KCNIP4: variants seen among roughly 807,000 people sequenced by gnomAD.
KCNIP4 encodes the protein potassium voltage-gated channel interacting protein 4.
A neutral mutation model predicts 34.0 loss-of-function variants in KCNIP4; 12 were observed. The observed-to-expected ratio is 0.35, with a 90% CI of 0.23 to 0.57. The LOEUF (loss-of-function observed/expected upper bound fraction) is 0.57, where lower values mean the gene tolerates loss of function less well. KCNIP4 is among the 20% of genes least tolerant of loss of function. The pLI, the probability that KCNIP4 is intolerant of heterozygous loss-of-function variation, is 0.83. For synonymous variants in KCNIP4, 124 were observed against 102.2 expected, an observed-to-expected ratio of 1.21 and a Z score of -1.29; for missense variants, 238 against 311.7, an observed-to-expected ratio of 0.76 and a Z score of 1.78.
At chr4:20,871,198 C>T (rs1002009126) in intron 2 of KCNIP4, among the ~76,000 whole-genome samples, 2 of 151,932 alleles carry the variant, frequency 1.3e-5, no homozygotes, top group Non-Finnish European at 2.9e-5. Flanking sequence ...TTAGAATGAA[C>T]AAAAACAACC....
chr4:21,187,494 A>G, intron 1 of KCNIP4, among the ~76,000 whole-genome samples: 1 of 152,320 alleles, frequency 6.6e-6, no homozygotes, highest in East Asian at 1.9e-4. Context: ...CTAATTCGTT[A>G]AAATTCATTT....
intron 1 of KCNIP4, among the ~76,000 whole-genome samples, chr4:20,914,966 G>T (rs181462525): frequency 6.6e-6 from 1 of 152,260 alleles, no homozygotes; most frequent in Admixed American, 6.5e-5. Context: ...CTGTGAAAAG[G>T]CTTAGATTTT....
At chr4:20,848,894 G>A (rs1354406033) in intron 3 of KCNIP4, among the ~76,000 whole-genome samples, 1 of 152,112 alleles carries the variant, frequency 6.6e-6, no homozygotes, top group Non-Finnish European at 1.5e-5. Flanking sequence ...GTTTTATTCT[G>A]TGATTCACCT....
intron 1 of KCNIP4, among the ~76,000 whole-genome samples, chr4:21,905,416 T>C (rs1215350247): frequency 6.6e-6 from 1 of 152,142 alleles, no homozygotes; most frequent in East Asian, 1.9e-4. Context: ...TATTCTATTA[T>C]TATTATACTT....
intron 1 of KCNIP4, among the ~76,000 whole-genome samples, chr4:21,415,544 A>T (rs1724878809): frequency 6.6e-6 from 1 of 151,808 alleles, no homozygotes; most frequent in South Asian, 2.1e-4. Context: ...TTACAAAAAA[A>T]AAAAAAAATT....
chr4:21,582,170 T>C (rs191166856), intron 1 of KCNIP4: 1 of 151,580 alleles, frequency 6.6e-6, no homozygotes, highest in Non-Finnish European at 1.5e-5. Context: ...AGTATGTACA[T>C]GTGTGTGTGC....
intron 1 of KCNIP4, among the ~76,000 whole-genome samples, chr4:21,507,269 A>T (rs944164659): frequency 6.7e-6 from 1 of 149,754 alleles, no homozygotes; most frequent in Non-Finnish European, 1.5e-5. Context: ...TTTTTATTTT[A>T]ATTTTTTTTT....
At chr4:20,996,934 G>T (rs1737605538) in intron 1 of KCNIP4, among the ~76,000 whole-genome samples, 1 of 152,090 alleles carries the variant, frequency 6.6e-6, no homozygotes. Context: ...ATGAATGATG[G>T]CATAAGACAG....
chr4:21,232,992 G>A (rs1203854069), intron 1 of KCNIP4, among the ~76,000 whole-genome samples: 1 of 152,024 alleles, frequency 6.6e-6, no homozygotes, highest in Non-Finnish European at 1.5e-5. Flanking sequence ...GAAGGATGAT[G>A]AAAACTTTAC....
chr4:20,838,614 G>T (rs1719346647), intron 3 of KCNIP4, among the ~76,000 whole-genome samples: 2 of 152,138 alleles, frequency 1.3e-5, no homozygotes, highest in African/African-American at 4.8e-5. Flanking sequence ...CTTGCCCCTG[G>T]ACTATGACTA....
chr4:21,320,985 G>A (rs537032079), intron 1 of KCNIP4, among the ~76,000 whole-genome samples: 149 of 103,636 alleles, frequency 1.4e-3, no homozygotes, highest in African/African-American at 6.1e-3. Flanking sequence ...AAAAAAAAGA[G>A]GAAAGTTAGT....
At chr4:21,743,602 T>C (rs1716571757) in intron 1 of KCNIP4, among the ~76,000 whole-genome samples, 1 of 151,954 alleles carries the variant, frequency 6.6e-6, no homozygotes, top group South Asian at 2.1e-4. Flanking sequence ...CAAAATAATA[T>C]TTAAGAAATA....
intron 1 of KCNIP4, among the ~76,000 whole-genome samples, chr4:21,610,322 A>G (rs1435418855): frequency 6.6e-6 from 1 of 152,248 alleles, no homozygotes; most frequent in Non-Finnish European, 1.5e-5. Flanking sequence ...CTTGGCTTGA[A>G]GATGGCTAAT....
At position 21,101,564 on chromosome 4, in the gene KCNIP4, C is replaced by T. The variant is rs972773097; in HGVS notation, c.62-218855G>A. 4.2e-4 allele frequency among the ~76,000 whole-genome samples: 64 copies of T among 152,168 alleles called. 1 individual carries two copies. The highest frequency in any genetic ancestry group is 7.4e-5 in the Non-Finnish European group (5 of 68,012). On this transcript the variant is annotated intron_variant, in intron 1 of 8. Coordinates refer to ENST00000382152, the MANE Select transcript of KCNIP4 (RefSeq NM_025221.6). ...CCAAAGAAGGGCAGATATGTAGAGA[C>T]AGAAAGCAGATGAGTGGTTGCATAG...
intron 1 of KCNIP4, among the ~76,000 whole-genome samples, chr4:21,039,301 T>A (rs1450178127): frequency 6.8e-6 from 1 of 147,716 alleles, no homozygotes; most frequent in African/African-American, 2.5e-5. Context: ...ACAAGGGAGG[T>A]GGAGGTTGTA....
intron 1 of KCNIP4, among the ~76,000 whole-genome samples, chr4:21,549,261 A>C (rs771074525): frequency 2.6e-5 from 4 of 152,002 alleles, no homozygotes; most frequent in Non-Finnish European, 5.9e-5. Context: ...CCTATATACC[A>C]TAACTACCTG....
chr4:20,804,764 T>C (rs1578660464), intron 3 of KCNIP4, among the ~76,000 whole-genome samples: 1 of 152,218 alleles, frequency 6.6e-6, no homozygotes, highest in South Asian at 2.1e-4. Flanking sequence ...ATAAAACAAT[T>C]AACAAGAAGA....
At chr4:21,741,364 C>G (rs533104641) in intron 1 of KCNIP4, among the ~76,000 whole-genome samples, 26 of 152,114 alleles carry the variant, frequency 1.7e-4, no homozygotes, top group Non-Finnish European at 3.5e-4. Context: ...ACAGAATGGA[C>G]GTTCTCACCA....
At chr4:21,573,280 G>T (rs1740492226) in intron 1 of KCNIP4, among the ~76,000 whole-genome samples, 1 of 152,098 alleles carries the variant, frequency 6.6e-6, no homozygotes, top group African/African-American at 2.4e-5. Flanking sequence ...AAAACTACAT[G>T]AATCAGCATG....
Sources: allele counts gnomAD v4.1 joint callset (sites outside exome capture counted in the v4.1 genomes callset), GRCh38; gene constraint gnomAD v4.1.1; transcripts MANE v1.5; gene names NCBI Gene and HGNC (gene_info 2026-07-23, HGNC 2026-07-21).